Variants in SUN1 observed in about 807,000 individuals in gnomAD.
SUN1 encodes SUN domain-containing protein 1.
SUN1 carries 61 observed loss-of-function variants against 103.2 expected under a neutral mutation model. That is an observed-to-expected ratio of 0.59 (90% CI 0.48 to 0.73). The LOEUF (loss-of-function observed/expected upper bound fraction) is 0.73, where lower values mean the gene tolerates loss of function less well. Ranked by LOEUF, SUN1 falls within the 30% of genes least tolerant of loss-of-function variation. SUN1 has a pLI of 0.00. For synonymous variants in SUN1, 490 were observed against 425.7 expected, an observed-to-expected ratio of 1.15 and a Z score of -1.86; for missense variants, 1,052 against 1,034.6, an observed-to-expected ratio of 1.02 and a Z score of -0.23.
intron 5 of SUN1, among the ~76,000 whole-genome samples, chr7:848,973 C>T (rs185181406): frequency 3.0e-4 from 45 of 152,252 alleles, no homozygotes; most frequent in Middle Eastern, 3.4e-3. Flanking sequence ...CTTTTTGAGA[C>T]GGAGTTTCAC....
intron 15 of SUN1, among the ~76,000 whole-genome samples, chr7:862,894 G>A (rs1833288543): frequency 6.6e-6 from 1 of 152,224 alleles, no homozygotes. Flanking sequence ...GCTCACGTCT[G>A]TAATCCCAGC....
intron 5 of SUN1, chr7:849,858 C>T: frequency 1.1e-5 from 16 of 1,507,584 alleles, no homozygotes; most frequent in Non-Finnish European, 1.3e-5. Context: ...TTGCTATGCA[C>T]GGCTGAGATG....
At chr7:833,454 A>G (rs1012030985) in intron 1 of SUN1, among the ~76,000 whole-genome samples, 2 of 151,850 alleles carry the variant, frequency 1.3e-5, no homozygotes, top group Non-Finnish European at 2.9e-5. Context: ...GGGATTACAG[A>G]CGTGCGCCAC....
At chr7:864,127 A>G (rs533672592) in intron 15 of SUN1, among the ~76,000 whole-genome samples, 1 of 152,312 alleles carries the variant, frequency 6.6e-6, no homozygotes, top group East Asian at 1.9e-4. Context: ...AGGTGCACAT[A>G]TTTATGGGGT....
chr7:832,984 A>G (rs1384826700), intron 1 of SUN1: 2 of 186,492 alleles, frequency 1.1e-5, no homozygotes, highest in East Asian at 1.4e-4. Context: ...AGGAAACATC[A>G]TAGAACAGCG....
intron 17 of SUN1, among the ~76,000 whole-genome samples, chr7:870,596 A>G (rs1212465288): frequency 6.6e-6 from 1 of 152,168 alleles, no homozygotes; most frequent in African/African-American, 2.4e-5. Flanking sequence ...AAAAAAGGAA[A>G]GGAAAAAAAA....
intron 9 of SUN1, 128 bp from the exon 10 acceptor site, chr7:853,281 A>C: frequency 9.4e-7 from 1 of 1,063,968 alleles, no homozygotes; most frequent in Non-Finnish European, 1.4e-6. Context: ...GTTTCTGTGG[A>C]TTCCTCCATT....
chr7:834,240 G>T (rs1198826017), intron 1 of SUN1, among the ~76,000 whole-genome samples: 1 of 152,158 alleles, frequency 6.6e-6, no homozygotes, highest in Non-Finnish European at 1.5e-5. Flanking sequence ...TGTAGGCTGG[G>T]CTGGGAATTT....
chr7:868,399 T>C, intron 16 of SUN1: 1 of 268,376 alleles, frequency 3.7e-6, no homozygotes, highest in Non-Finnish European at 7.3e-6. Flanking sequence ...TGCCAGGCTG[T>C]GCTTCTGGGG....
Position 842,048 on chromosome 7 carries a change from C to G in SUN1, c.369C>G (p.Ser123Arg). The G allele has an allele frequency of 6.2e-7, 1 of 1,614,188 alleles. No homozygotes were observed. The change falls in exon 3 of 19, where the codon AGC (serine) becomes AGG (arginine). Residue 123 changes from serine to arginine, a missense_variant. Transcript: ENST00000401592. ...GCGTCAGCCACGGCGGCACTGTCAGCCTGCAGGATGCTGTGACTCGACGGC... is the reference window on the plus strand; with the variant it reads ...GCGTCAGCCACGGCGGCACTGTCAGGCTGCAGGATGCTGTGACTCGACGGC... Reference protein sequence around the residue: ...SSGVSHGGTVSLQDAVTRRPP... With the variant: ...SSGVSHGGTVRLQDAVTRRPP...
At chr7:818,221 G>A (rs1454275835) in intron 1 of SUN1, among the ~76,000 whole-genome samples, 4 of 152,130 alleles carry the variant, frequency 2.6e-5, no homozygotes, top group African/African-American at 7.2e-5. Context: ...CCCCGGCAAC[G>A]GCTAATCTGC....
chr7:846,225 C>T (rs1023763066), intron 5 of SUN1, among the ~76,000 whole-genome samples: 1 of 152,016 alleles, frequency 6.6e-6, no homozygotes, highest in African/African-American at 2.4e-5. Context: ...TCTCCTGCCT[C>T]AGCCTCCTGA....
At chr7:853,887 G>T (rs367736334) in intron 10 of SUN1, among the ~76,000 whole-genome samples, 4 of 152,220 alleles carry the variant, frequency 2.6e-5, no homozygotes, top group South Asian at 2.1e-4. Context: ...TCCAGCGGTC[G>T]TGGAGAACCG....
At chr7:864,554 C>CAA (rs551547626) in intron 15 of SUN1, among the ~76,000 whole-genome samples, 134 of 95,142 alleles carry the variant, frequency 1.4e-3, no homozygotes, top group Admixed American at 2.2e-3. Flanking sequence ...AACTTTATCT[C>CAA]AAAAAAAAAA....
At chr7:818,661 A>G (rs1327405021) in intron 1 of SUN1, among the ~76,000 whole-genome samples, 1 of 152,200 alleles carries the variant, frequency 6.6e-6, no homozygotes, top group Non-Finnish European at 1.5e-5. Flanking sequence ...GTCCATTGGC[A>G]ACAAGTGAGT....
intron 1 of SUN1, among the ~76,000 whole-genome samples, chr7:823,552 C>A (rs926379540): frequency 6.6e-6 from 1 of 152,030 alleles, no homozygotes; most frequent in Non-Finnish European, 1.5e-5. Flanking sequence ...CCTGGAGCCA[C>A]GGTGGATTCT....
intron 15 of SUN1, among the ~76,000 whole-genome samples, chr7:862,206 G>A (rs1343624142): frequency 6.6e-6 from 1 of 152,214 alleles, no homozygotes; most frequent in East Asian, 1.9e-4. Context: ...TTGCAAATAG[G>A]GGCTGGGGGA....
Position 853,484 on chromosome 7 carries a change from C to T in SUN1, c.1129C>T (p.His377Tyr). 1.2e-6 allele frequency: 2 copies of T among 1,614,056 alleles called. No individual in the cohort carries two copies. Among genetic ancestry groups the T allele is most frequent in the Non-Finnish European group, 1.7e-6 (2 of 1,180,052 alleles). ...GGTGGCCTCTCTGTCTGGACAGTGC[C>T]ACCACCATGGTGAGAATCTCCGAGA... ...QQVASLSGQC[H>Y]HHGENLRELT... The change falls in exon 10 of 19, where the codon CAC (histidine) becomes TAC (tyrosine). Residue 377 changes from histidine (H) to tyrosine (Y), a missense_variant. By Grantham distance (83) the His-to-Tyr change is moderately conservative. Transcript: ENST00000401592.
intron 5 of SUN1, among the ~76,000 whole-genome samples, chr7:849,327 C>T (rs1471089245): frequency 6.6e-6 from 1 of 152,236 alleles, no homozygotes; most frequent in African/African-American, 2.4e-5. Flanking sequence ...GGTGGGGGCC[C>T]TTTCACGTCT....
Sources: allele counts gnomAD v4.1 joint callset (sites outside exome capture counted in the v4.1 genomes callset), GRCh38; gene constraint gnomAD v4.1.1; transcripts MANE v1.5; gene names NCBI Gene and HGNC (gene_info 2026-07-23, HGNC 2026-07-21).